The following MYO9A variants were observed in gnomAD, a reference collection of about 807,000 sequenced individuals.
MYO9A encodes myosin IXA.
Under a neutral mutation model 293.3 loss-of-function variants are expected in MYO9A, and 103 were observed. The ratio of observed to expected loss-of-function variants is 0.35; its 90% CI spans 0.30 to 0.41. MYO9A has a LOEUF of 0.41. Ranked by LOEUF, MYO9A falls within the 10% of genes least tolerant of loss-of-function variation. MYO9A has a pLI of 1.00. For missense variants in MYO9A, 2,685 were observed against 3,033.0 expected (o/e 0.89, Z 2.69); for synonymous variants, 1,001 against 1,035.7 (o/e 0.97, Z 0.64).
chr15:72,064,936 T>C (rs1190064684), intron 1 of MYO9A, among the ~76,000 whole-genome samples: 1 of 152,158 alleles, frequency 6.6e-6, no homozygotes, highest in Non-Finnish European at 1.5e-5. Context: ...TTGGAGGACT[T>C]ATACTACCAA....
chr15:71,882,227 G>T (rs899612440), intron 28 of MYO9A, among the ~76,000 whole-genome samples: 1 of 152,060 alleles, frequency 6.6e-6, no homozygotes, highest in South Asian at 2.1e-4. Flanking sequence ...GTCAATGCTG[G>T]TATTTCACCC....
In MYO9A at chr15:71,878,227, T is replaced by C. The variant is rs548914314; in HGVS notation, c.5744A>G (p.Asp1915Gly). 15 of 1,540,604 alleles carry C rather than the reference T, an allele frequency of 9.7e-6. No homozygotes were observed. In the East Asian group the frequency reaches 2.6e-4, roughly 26 times the overall value. The change falls in exon 31 of 42, where the codon GAT becomes GGT. Residue 1915 changes from aspartate (D) to glycine (G), a missense_variant. Coordinates refer to ENST00000356056, the MANE Select transcript of MYO9A (RefSeq NM_006901.4). ...FSFYSSALAM[D>G]DGKSIRYKDL... ...TTTATACCGTATGCTTTTCCCATCA[T>C]CCATCTATAAGCAATAAGAAAAGAA...
At position 71,825,939 on chromosome 15, in the gene MYO9A, C is replaced by T. The variant is rs1161380274; in HGVS notation, c.*641G>A. On this transcript the variant is annotated 3_prime_UTR_variant, in exon 42 of 42. Coordinates refer to ENST00000356056, the MANE Select transcript of MYO9A (RefSeq NM_006901.4). Reference sequence around the variant, plus strand: ...AGGTATTCTCTTCTTCACTGTATAACAAGATATCTGAGACACGCTCTGATG... The same window carrying T: ...AGGTATTCTCTTCTTCACTGTATAATAAGATATCTGAGACACGCTCTGATG... 1 of 148,342 alleles carries T rather than the reference C, an allele frequency of 6.7e-6. No homozygotes were observed. Among genetic ancestry groups the T allele is most frequent in the Non-Finnish European group, 1.5e-5 (1 of 67,412 alleles). 9.2% of individuals were successfully genotyped at this position (148,342 alleles called of 1,614,324 possible).
intron 1 of MYO9A, among the ~76,000 whole-genome samples, chr15:72,087,331 G>A (rs963964535): frequency 1.3e-5 from 2 of 152,200 alleles, no homozygotes; most frequent in African/African-American, 2.4e-5. Context: ...CCCTGGCCAT[G>A]CTCCACTATA....
Position 71,898,355 on chromosome 15 carries a change from G to C in MYO9A, c.4148C>G (p.Ala1383Gly), listed in dbSNP as rs1452554175. The change falls in exon 25 of 42, where the codon GCA becomes GGA. Residue 1383 changes from alanine to glycine, a missense_variant. This residue lies in a region of MYO9A where 1,434 missense variants were observed against 1,497.7 expected (regional missense o/e 0.96). Transcript: ENST00000356056. ...ALSASNETSS[A>G]EHLKDGTMKE... ...CATAGTTCCATCCTTCAAATGCTCT[G>C]CACTGCTAGTCTCATTTGAGGCACT... The C allele has an allele frequency of 5.0e-6, 8 of 1,613,468 alleles. No individual in the cohort carries two copies. The highest frequency in any genetic ancestry group is 6.8e-6 in the Non-Finnish European group (8 of 1,180,038).
intron 1 of MYO9A, among the ~76,000 whole-genome samples, chr15:72,091,194 T>C (rs1368444214): frequency 6.8e-6 from 1 of 147,604 alleles, no homozygotes; most frequent in Non-Finnish European, 1.5e-5. Flanking sequence ...GTAAGATCTG[T>C]CTCAAAAAAA....
chr15:72,019,987 G>A (rs2077455366), intron 5 of MYO9A, among the ~76,000 whole-genome samples: 1 of 152,096 alleles, frequency 6.6e-6, no homozygotes, highest in Non-Finnish European at 1.5e-5. Flanking sequence ...CCTGACCTCA[G>A]GTGATTCAAC....
chr15:72,110,908 C>CCTTTGGGATTA (rs1379368349), intron 1 of MYO9A, among the ~76,000 whole-genome samples: 2 of 152,120 alleles, frequency 1.3e-5, no homozygotes, highest in Non-Finnish European at 2.9e-5. Flanking sequence ...GCCTGTAATC[C>CCTTTGGGATTA]CAGCACTTTG....
chr15:72,051,552 G>C (rs989663111), intron 1 of MYO9A, among the ~76,000 whole-genome samples: 1 of 152,084 alleles, frequency 6.6e-6, no homozygotes, highest in Non-Finnish European at 1.5e-5. Flanking sequence ...AAGGCCCCCC[G>C]CCCAGTCCCT....
At position 71,880,511 on chromosome 15, in the gene MYO9A, C is replaced by T. The variant is rs762471821; in HGVS notation, c.5446G>A (p.Gly1816Ser). ...TCTTTGAATTCCTTCCGGCAACTGC[C>T]GGGCAGTTCTGGGCTCAAAGGAGGT... ...PTPPLSPELP[G>S]SCRKEFKENK... The change falls in exon 29 of 42, where the codon GGC becomes AGC. Residue 1816 changes from glycine to serine, a missense_variant. Gly to Ser is a moderately conservative substitution (Grantham distance 56). Transcript: ENST00000356056. The T allele has an allele frequency of 3.0e-5, 48 of 1,614,156 alleles. No homozygotes were observed. The highest frequency in any genetic ancestry group is 6.6e-5 in the South Asian group (6 of 91,088).
chr15:72,118,174 G>T (rs2081077305), upstream of MYO9A: 3 of 366,616 alleles, frequency 8.2e-6, no homozygotes, highest in Non-Finnish European at 1.5e-5. Flanking sequence ...GCCCCCTACT[G>T]CCAGCACGGG....
chr15:71,860,996 C>CAAAAAAAAAAAAAAAAAAAAAAA (rs2056099523), intron 33 of MYO9A, among the ~76,000 whole-genome samples: 2 of 99,292 alleles, frequency 2.0e-5, no homozygotes, highest in African/African-American at 4.2e-5. Context: ...AAAAAAAAAT[C>CAAAAAAAAAAAAAAAAAAAAAAA]AAACCAGCCC....
Position 71,897,717 on chromosome 15 carries a change from G to A in MYO9A, c.4786C>T (p.Pro1596Ser), listed in dbSNP as rs761775932. 4.3e-6 allele frequency: 7 copies of A among 1,613,958 alleles called. No homozygotes were observed. The African/African-American group carries it at 6.7e-5, about 15-fold the overall frequency. ...QKDSSSAHLP[P>S]KDRPVTVFFE... ...AACACGGTGACAGGTCGGTCCTTTG[G>A]GGGTAAGTGAGCAGAGGAACTGTCT... is the stretch of plus-strand genomic sequence containing the variant. Residue 1596 changes from proline (P) to serine (S), a missense_variant, in exon 25 of 42, where the codon CCA becomes TCA. Pro to Ser is a moderately conservative substitution (Grantham distance 74). This residue lies in a region of MYO9A where 1,434 missense variants were observed against 1,497.7 expected (regional missense o/e 0.96). Coordinates refer to ENST00000356056, the MANE Select transcript of MYO9A (RefSeq NM_006901.4).
chr15:71,990,696 G>A (rs1293044352), intron 11 of MYO9A, among the ~76,000 whole-genome samples: 1 of 150,534 alleles, frequency 6.6e-6, no homozygotes, highest in East Asian at 2.0e-4. Flanking sequence ...GGCGGAGCTT[G>A]CAGTGAGCCG....
intron 1 of MYO9A, among the ~76,000 whole-genome samples, chr15:72,053,266 C>T (rs1021393993): frequency 3.3e-5 from 5 of 152,094 alleles, no homozygotes; most frequent in African/African-American, 1.2e-4. Context: ...ATTAGCCAAG[C>T]AGGGTGCTGC....
At chr15:71,842,763 G>C (rs1483294347) in intron 39 of MYO9A, among the ~76,000 whole-genome samples, 1 of 151,464 alleles carries the variant, frequency 6.6e-6, no homozygotes, top group Non-Finnish European at 1.5e-5. Context: ...GGGAGGCTCA[G>C]ACAGGAGAAT....
chr15:71,933,000 CAAAAAAAT>C (rs1003109744), intron 18 of MYO9A, among the ~76,000 whole-genome samples: 2 of 150,222 alleles, frequency 1.3e-5, no homozygotes, highest in African/African-American at 4.9e-5. Context: ...ACAACCCCTG[CAAAAAAAT>C]AAAAAAATAA....
intron 39 of MYO9A, among the ~76,000 whole-genome samples, chr15:71,838,642 A>G (rs2055030940): frequency 6.6e-6 from 1 of 152,198 alleles, no homozygotes; most frequent in Admixed American, 6.5e-5. Context: ...CTACTAAATC[A>G]CAATTTAATA....
chr15:71,840,505 C>T (rs1165195485), intron 39 of MYO9A, among the ~76,000 whole-genome samples: 12 of 152,136 alleles, frequency 7.9e-5, no homozygotes, highest in Admixed American at 7.9e-4. Context: ...CTCTTTCCCT[C>T]CTAGTGGGTA....
Sources: gnomAD v4.1 joint callset for allele counts (sites outside exome capture counted in the v4.1 genomes callset) on GRCh38, gnomAD v4.1.1 for gene constraint, gnomAD v4.1.1 regional missense constraint, MANE v1.5 for transcripts, NCBI Gene and HGNC (gene_info 2026-07-23, HGNC 2026-07-21) for gene names.